The following CDHR2 variants were observed in gnomAD, a reference collection of about 807,000 sequenced individuals.
CDHR2 encodes the protein cadherin related family member 2, also known as cadherin-related family member 2.
A neutral mutation model predicts 138.6 loss-of-function variants in CDHR2; 104 were observed. The ratio of observed to expected loss-of-function variants is 0.75; its 90% CI spans 0.64 to 0.88. The LOEUF (loss-of-function observed/expected upper bound fraction) is 0.88. CDHR2 is among the 40% of genes least tolerant of loss of function. The pLI is 0.00. For synonymous variants in CDHR2, 755 were observed against 742.8 expected (o/e 1.02, Z -0.27); for missense variants, 1,624 against 1,727.6 (o/e 0.94, Z 1.06).
In CDHR2 at chr5:176,565,725, C is replaced by T; in HGVS notation, c.106C>T (p.Pro36Ser). The change falls in exon 3 of 32, where the codon CCT becomes TCT. Residue 36 changes from proline to serine, a missense_variant. Pro to Ser is a moderately conservative substitution (Grantham distance 74). Transcript: ENST00000261944. The part of the protein sequence containing the change: ...FLANMTSVIL[P>S]EDLPVGAQAF... Reference sequence around the variant, plus strand: ...AGCCAACATGACGTCAGTGATCCTGCCTGAGGACCTGCCTGTGGGTGAGTC... The same window carrying T: ...AGCCAACATGACGTCAGTGATCCTGTCTGAGGACCTGCCTGTGGGTGAGTC... 1 of 1,613,788 alleles carries T rather than the reference C, an allele frequency of 6.2e-7. No individual in the cohort carries two copies.
At chr5:176,587,046 C>A (rs571587344) in intron 21 of CDHR2, among the ~76,000 whole-genome samples, 2 of 152,298 alleles carry the variant, frequency 1.3e-5, no homozygotes, top group African/African-American at 4.8e-5. Flanking sequence ...ATGTCATGAC[C>A]GTAAATACCA....
intron 31 of CDHR2, among the ~76,000 whole-genome samples, chr5:176,593,247 T>G: frequency 6.6e-6 from 1 of 151,768 alleles, no homozygotes; most frequent in African/African-American, 2.4e-5. Flanking sequence ...AACAGGTGAG[T>G]TGGTTGGATG....
At chr5:176,566,610 G>T (rs1462135599) in intron 3 of CDHR2, among the ~76,000 whole-genome samples, 1 of 152,200 alleles carries the variant, frequency 6.6e-6, no homozygotes, top group East Asian at 1.9e-4. Flanking sequence ...GGGGGCGGGG[G>T]TCACGCAGCC....
downstream of CDHR2, chr5:176,595,885 A>G: frequency 4.5e-6 from 2 of 447,270 alleles, no homozygotes; most frequent in Non-Finnish European, 7.8e-6. Flanking sequence ...CGGGACACTG[A>G]GTGGTCACAA....
chr5:176,551,883 TTG>T lies in CDHR2; in HGVS notation c.-16+2470_-16+2471del, dbSNP rs1491479393. ...CGCCTGGCTAATATTTTTTTTTTTT[TTG>T]GGGAACTTTTAGTAGAGACGGCGTT... On this transcript the variant is annotated intron_variant, in intron 1 of 31. Coordinates refer to ENST00000261944, the MANE Select transcript of CDHR2 (RefSeq NM_017675.6). Among the ~76,000 whole-genome samples, 230 of 76,734 alleles carry T rather than the reference TTG, an allele frequency of 3.0e-3. 3 individuals carry two copies. The highest frequency in any genetic ancestry group is 6.6e-3 in the South Asian group (9 of 1,356). 50.3% of individuals were successfully genotyped at this position (76,734 alleles called of 152,430 possible). A position where few individuals can be genotyped will look rare whatever the true frequency, so the allele number is the denominator to read the frequency against.
Position 176,595,754 on chromosome 5 carries a change from ATGACGCTGCCC to A in CDHR2, c.*85_*95del. 7.5e-7 allele frequency: 1 copy of A among 1,325,532 alleles called. No individual in the cohort carries two copies. Among genetic ancestry groups the A allele is most frequent in the Non-Finnish European group, 1.0e-6 (1 of 994,612 alleles). The allele number at this position is 1,325,532 out of a possible 1,614,324, so 82.1% of individuals were successfully genotyped here. On this transcript the variant is annotated 3_prime_UTR_variant, in exon 32 of 32. Transcript: ENST00000261944. ...CCTGTCTCCCTGGAGATGAAAATAT[ATGACGCTGCCC>A]TGCCTCCTGCTTTTGGCCAATCACG...
chr5:176,588,508 A>T (rs202216789), intron 21 of CDHR2, among the ~76,000 whole-genome samples: 3 of 145,604 alleles, frequency 2.1e-5, no homozygotes, highest in East Asian at 2.0e-4. Flanking sequence ...GGTGTGTATG[A>T]GTGTGTGCAT....
chr5:176,591,585 G>A, intron 30 of CDHR2, 101 bp downstream of exon 30: 1 of 905,564 alleles, frequency 1.1e-6, no homozygotes, highest in Non-Finnish European at 1.8e-6. Flanking sequence ...TGATGACAAT[G>A]GTGATGGTGT....
At chr5:176,593,194 A>G (rs1758930265) in intron 31 of CDHR2, among the ~76,000 whole-genome samples, 1 of 152,210 alleles carries the variant, frequency 6.6e-6, no homozygotes, top group African/African-American at 2.4e-5. Context: ...CTAGCAAAGG[A>G]GAGAAGATGG....
intron 3 of CDHR2, among the ~76,000 whole-genome samples, chr5:176,568,198 G>A (rs556480403): frequency 1.3e-4 from 20 of 152,318 alleles, no homozygotes; most frequent in Admixed American, 1.1e-3. Context: ...GGGAGTGGGC[G>A]ACCAGCCTGC....
At chr5:176,577,307 G>A in intron 12 of CDHR2, 92 bp from the exon 13 acceptor site, 1 of 1,370,490 alleles carries the variant, frequency 7.3e-7, no homozygotes, top group East Asian at 2.4e-5. Flanking sequence ...TCATCGGGCG[G>A]GGCATCCAGA....
chr5:176,556,948 T>G, intron 1 of CDHR2: 2 of 87,840 alleles, frequency 2.3e-5, no homozygotes, highest in South Asian at 7.9e-4. Context: ...CTCCCTCCCC[T>G]TCCCCGCTCC....
At position 176,561,641 on chromosome 5, in the gene CDHR2, C is replaced by CTTT. The variant is rs397772792; in HGVS notation, c.-15-3683_-15-3681dup. On this transcript the variant is annotated intron_variant, in intron 1 of 31. Transcript: ENST00000261944. ...CAGAAGGGGATCCTGGAGTTGGGTTCTTTTTTTTTTTTTTTTGAGGTGGAG... is the reference window on the plus strand; with the variant it reads ...CAGAAGGGGATCCTGGAGTTGGGTTCTTTTTTTTTTTTTTTTTTTGAGGTGGAG... Among the ~76,000 whole-genome samples the CTTT allele has an allele frequency of 9.9e-3, 1,293 of 130,322 alleles. 27 individuals are homozygous for CTTT. Among genetic ancestry groups the CTTT allele is most frequent in the African/African-American group, 0.035 (1,225 of 34,606 alleles). The allele number at this position is 130,322 out of a possible 152,430, so 85.5% of individuals were successfully genotyped here.
chr5:176,588,905 C>A, intron 21 of CDHR2, 126 bp from the exon 22 acceptor site: 1 of 910,036 alleles, frequency 1.1e-6, no homozygotes, highest in Non-Finnish European at 1.7e-6. Context: ...TTCGGGGCAG[C>A]GTGGGGATGG....
rs758741816 is a variant in CDHR2 at position 176,581,447 on chromosome 5, C to T, written c.1923C>T (p.Leu641=). Residue 641 remains leucine, a synonymous_variant, in exon 17 of 32, where the codon CTC becomes CTT. Transcript: ENST00000261944. ...HNFSLDPDTG[L]LRNLGPLDRE... The stretch of plus-strand genomic sequence containing the variant: ...TCTCCTTGGACCCTGACACAGGGCT[C>T]CTCAGAAACCTGGGGCCCCTGGACA... The T allele has an allele frequency of 1.9e-6, 3 of 1,614,196 alleles. No homozygotes were observed. Among genetic ancestry groups the T allele is most frequent in the African/African-American group, 1.3e-5 (1 of 75,074 alleles).
chr5:176,578,141 A>G, intron 15 of CDHR2, 46 bp downstream of exon 15: 1 of 1,540,136 alleles, frequency 6.5e-7, no homozygotes. Context: ...AGCAGGGCCC[A>G]GGCCCACCTC....
At chr5:176,552,608 G>T (rs10054967) in intron 1 of CDHR2, among the ~76,000 whole-genome samples, 36 of 152,006 alleles carry the variant, frequency 2.4e-4, no homozygotes, top group Non-Finnish European at 5.3e-4. Flanking sequence ...TTGCGCCTTC[G>T]CCAGCCCACA....
chr5:176,588,650 G>T (rs1406081613), intron 21 of CDHR2, among the ~76,000 whole-genome samples: 1 of 141,578 alleles, frequency 7.1e-6, no homozygotes, highest in African/African-American at 2.6e-5. Flanking sequence ...AGTGTGAGTG[G>T]GACAGTGTGT....
chr5:176,586,789 G>A lies in CDHR2; in HGVS notation c.2807-4G>A, dbSNP rs115237346. On this transcript the variant is annotated splice_polypyrimidine_tract_variant and splice_region_variant and intron_variant, in intron 20 of 31. Transcript: ENST00000261944. ...GCTGACCCCGTTCCCGTTCACACCT[G>A]CAGTGATCATCCCTGAACTCGTGCT... 2.3e-3 allele frequency: 3,659 copies of A among 1,606,592 alleles called. 63 individuals are homozygous for A. The African/African-American group carries it at 0.043, about 19-fold the overall frequency.
Sources: gnomAD v4.1 joint callset for allele counts (sites outside exome capture counted in the v4.1 genomes callset) on GRCh38, gnomAD v4.1.1 for gene constraint, MANE v1.5 for transcripts, NCBI Gene and HGNC (gene_info 2026-07-23, HGNC 2026-07-21) for gene names.